Variants in CDK11B observed in about 807,000 individuals in gnomAD.
The protein encoded by CDK11B is cyclin-dependent kinase 11B.
A neutral mutation model predicts 84.0 loss-of-function variants in CDK11B; 37 were observed. The observed-to-expected ratio is 0.44, with a 90% CI of 0.34 to 0.58. The LOEUF (loss-of-function observed/expected upper bound fraction) is 0.58. Ranked by LOEUF, CDK11B falls within the 20% of genes least tolerant of loss-of-function variation. CDK11B has a pLI of 0.02. For missense variants in CDK11B, 427 were observed against 834.0 expected (o/e 0.51, Z 6.01); for synonymous variants, 269 against 309.8 (o/e 0.87, Z 1.38).
rs200286198 is a variant in CDK11B at position 1,637,828 on chromosome 1, C to G, written c.1398G>C (p.Pro466=). 1.2e-6 allele frequency: 2 copies of G among 1,613,314 alleles called. No individual in the cohort carries two copies. The highest frequency in any genetic ancestry group is 2.7e-5 in the African/African-American group (2 of 74,784). Residue 466 remains proline (P), a synonymous_variant, in exon 13 of 20, where the codon CCG becomes CCC. Coordinates refer to ENST00000341832, the MANE Select transcript of CDK11B (RefSeq NM_033486.3). ...TGTTGATCTCCCTCAGCGACGTGAT[C>G]GGGAAGCCCTCCTTCTCCTTCTCCA... ...LKMEKEKEGF[P]ITSLREINTI... is the part of the protein sequence containing the mutation.
chr1:1,636,332 C>T lies in CDK11B; in HGVS notation c.2066+1G>A, dbSNP rs1396232656. On this transcript the variant is annotated splice_donor_variant, in intron 18 of 19. Transcript: ENST00000341832. LOFTEE classifies it high-confidence loss of function. Reference sequence around the variant, plus strand: ...CCGCCACCCGGCTGCACTGGGCTCACTTGTTCATGAGGTCGAAGCCCTGGT... The same window carrying T: ...CCGCCACCCGGCTGCACTGGGCTCATTTGTTCATGAGGTCGAAGCCCTGGT... 1 of 1,567,296 alleles carries T rather than the reference C, an allele frequency of 6.4e-7. No individual in the cohort carries two copies. The highest frequency in any genetic ancestry group is 8.6e-7 in the Non-Finnish European group (1 of 1,156,908).
chr1:1,649,677 C>A lies in CDK11B; in HGVS notation c.356-40G>T, dbSNP rs1641631953. ...AGTGTCATGCAAAGAAACCTCACTT[C>A]AAAAATTTCACATGAAGCCGGGCAC... On this transcript the variant is annotated intron_variant, in intron 4 of 19. Transcript: ENST00000341832. 3.1e-6 allele frequency: 5 copies of A among 1,601,880 alleles called. No individual in the cohort carries two copies. The South Asian group carries it at 5.5e-5, about 18-fold the overall frequency.
rs372411532 is a variant in CDK11B at position 1,637,237 on chromosome 1, T to G, written c.1571-35A>C. Reference sequence around the variant, plus strand: ...AGGGAAGCTCCCATGTGGACCTGGCTGCCCCCAGCCCAGGGCACTCAGGGT... The same window carrying G: ...AGGGAAGCTCCCATGTGGACCTGGCGGCCCCCAGCCCAGGGCACTCAGGGT... On this transcript the variant is annotated intron_variant, in intron 14 of 19. Transcript: ENST00000341832. 1.9e-6 allele frequency: 3 copies of G among 1,609,686 alleles called. No homozygotes were observed. In the South Asian group the frequency reaches 3.3e-5, roughly 18 times the overall value.
intron 1 of CDK11B, among the ~76,000 whole-genome samples, chr1:1,658,121 C>T (rs1643021732): frequency 6.8e-6 from 1 of 146,562 alleles, no homozygotes; most frequent in Non-Finnish European, 1.5e-5. Context: ...TTCCGGTGAG[C>T]CGAGGTCGCG....
chr1:1,636,721 G>C lies in CDK11B; in HGVS notation c.1878C>G (p.Pro626=), dbSNP rs369093717. 3.7e-6 allele frequency: 6 copies of C among 1,613,852 alleles called. No individual in the cohort carries two copies. Among genetic ancestry groups the C allele is most frequent in the African/African-American group, 2.7e-5 (2 of 74,912 alleles). ...GELLTQKPLF[P]GKSEIDQINK... ...TGATCTGATCGATTTCTGACTTCCC[G>C]GGGAACAGAGGCTTCTGAGTCAGCA... is the stretch of plus-strand genomic sequence containing the variant. Residue 626 remains proline (P), a synonymous_variant, in exon 17 of 20, where the codon CCC becomes CCG. Coordinates refer to ENST00000341832, the MANE Select transcript of CDK11B (RefSeq NM_033486.3).
chr1:1,655,218 A>G (rs1310243693), intron 3 of CDK11B, 151 bp downstream of exon 3: 3 of 978,830 alleles, frequency 3.1e-6, no homozygotes, highest in Non-Finnish European at 4.3e-6. Context: ...TGACATAAAA[A>G]CCTCAATAGT....
intron 2 of CDK11B, 137 bp from the exon 3 acceptor site, chr1:1,655,621 T>C (rs1450154406): frequency 7.5e-7 from 1 of 1,327,022 alleles, no homozygotes; most frequent in African/African-American, 1.5e-5. Context: ...GAGCCAGTGT[T>C]ATAAAATATA....
chr1:1,637,253 C>A (rs1415291977), intron 14 of CDK11B, 51 bp from the exon 15 acceptor site: 5 of 1,604,524 alleles, frequency 3.1e-6, no homozygotes, highest in Non-Finnish European at 4.3e-6. Context: ...CAGCCCAGGG[C>A]ACTCAGGGTG....
intron 3 of CDK11B, 55 bp from the exon 4 acceptor site, chr1:1,652,621 C>G: frequency 7.7e-7 from 1 of 1,306,696 alleles, no homozygotes; most frequent in Admixed American, 3.0e-5. Flanking sequence ...AAAGAAGCAT[C>G]AGGCTATTAT....
Position 1,635,844 on chromosome 1 carries a change from GGTC to G in CDK11B, c.2266_2268del (p.Asp756del). 2.9e-6 allele frequency: 1 copy of G among 345,108 alleles called. No individual in the cohort carries two copies. Among genetic ancestry groups the G allele is most frequent in the Non-Finnish European group, 4.8e-6 (1 of 208,618 alleles). 21.4% of individuals were successfully genotyped at this position (345,108 alleles called of 1,614,324 possible). A position where few individuals can be genotyped will look rare whatever the true frequency, so the allele number is the denominator to read the frequency against. Reference sequence around the variant, plus strand: ...GTAAGGTGGAAGCCCGTCTCCTTCAGGTCGTCGTCACCCTGGGACGAGTCGGCT... The same window carrying G: ...GTAAGGTGGAAGCCCGTCTCCTTCAGGTCGTCACCCTGGGACGAGTCGGCT... On this transcript the variant is annotated inframe_deletion, in exon 20 of 20. Coordinates refer to ENST00000341832, the MANE Select transcript of CDK11B (RefSeq NM_033486.3).
intron 2 of CDK11B, among the ~76,000 whole-genome samples, chr1:1,656,497 AC>A (rs1266821729): frequency 1.2e-4 from 18 of 151,942 alleles, no homozygotes; most frequent in Non-Finnish European, 2.4e-4. Context: ...TCAAAAACAA[AC>A]AAAAAAGGCC....
At position 1,652,965 on chromosome 1, in the gene CDK11B, C is replaced by T. The variant is rs1222238959; in HGVS notation, c.228-399G>A. Among the ~76,000 whole-genome samples the T allele has an allele frequency of 9.0e-3, 1,364 of 152,148 alleles. 26 individuals are homozygous for T. Among genetic ancestry groups the T allele is most frequent in the African/African-American group, 0.03 (1,264 of 41,504 alleles). ...GTCTTGGTCTCCTGACCTCATGATC[C>T]GCCCACCTCGGTCTCCCAAAGTGCT... is the stretch of plus-strand genomic sequence containing the variant. On this transcript the variant is annotated intron_variant, in intron 3 of 19. Transcript: ENST00000341832.
At chr1:1,637,599 G>C (rs543914306) in intron 13 of CDK11B, 86 bp from the exon 14 acceptor site, 2 of 1,609,384 alleles carry the variant, frequency 1.2e-6, no homozygotes, top group Non-Finnish European at 1.7e-6. Context: ...GGGACAGTAA[G>C]GACCTCCGGT....
rs534057323 is a variant in CDK11B, at chr1:1,637,048, T to A, written c.1692+33A>T. 4,491 of 1,599,894 alleles carry A rather than the reference T, an allele frequency of 2.8e-3. 60 individuals are homozygous for A. Among genetic ancestry groups the A allele is most frequent in the Non-Finnish European group, 3.4e-3 (3,924 of 1,167,256 alleles). ...GGCTGTGAGTGGGCCCCGGCAGGTC[T>A]CCCTGGGATGGGCCACTCGGAGGGG... On this transcript the variant is annotated intron_variant, in intron 15 of 19. Coordinates refer to ENST00000341832, the MANE Select transcript of CDK11B (RefSeq NM_033486.3).
chr1:1,651,309 T>C (rs1304103431), intron 4 of CDK11B, among the ~76,000 whole-genome samples: 1 of 152,328 alleles, frequency 6.6e-6, no homozygotes, highest in Admixed American at 6.5e-5. Flanking sequence ...AGAGGAAAAA[T>C]GGACTAGCCA....
rs1329817877 is a variant in CDK11B at position 1,649,501 on chromosome 1, T to C, written c.492A>G (p.Glu164=). ...CTCAACTGACCCAGCCGACTCACCT[T>C]TCTCTCCTGGAATGCTCCCTTGCCA... ...REMAREHSRR[E]RDRLEQLERK... Residue 164 remains glutamate, a splice_region_variant and synonymous_variant, in exon 5 of 20, where the codon GAA becomes GAG. Coordinates refer to ENST00000341832, the MANE Select transcript of CDK11B (RefSeq NM_033486.3). The C allele has an allele frequency of 1.3e-6, 2 of 1,582,056 alleles. No individual in the cohort carries two copies. Among genetic ancestry groups the C allele is most frequent in the Non-Finnish European group, 1.7e-6 (2 of 1,151,180 alleles).
At chr1:1,639,728 G>A (rs972589916) in intron 11 of CDK11B, among the ~76,000 whole-genome samples, 2 of 152,012 alleles carry the variant, frequency 1.3e-5, no homozygotes, top group African/African-American at 4.8e-5. Context: ...GGAGGGGGCC[G>A]AGTCCCTGCC....
intron 4 of CDK11B, among the ~76,000 whole-genome samples, chr1:1,650,022 C>T (rs1287719774): frequency 6.7e-6 from 1 of 149,578 alleles, no homozygotes; most frequent in African/African-American, 2.5e-5. Context: ...GCCTGTAATT[C>T]CAGCACTCTG....
intron 3 of CDK11B, among the ~76,000 whole-genome samples, chr1:1,653,825 T>TAC (rs782129056): frequency 0.072 from 8,768 of 121,696 alleles, 390 homozygotes; most frequent in South Asian, 0.18. Context: ...CTACTAAAAA[T>TAC]ACACACACAC....
Sources: gnomAD v4.1 joint callset for allele counts (sites outside exome capture counted in the v4.1 genomes callset) on GRCh38, gnomAD v4.1.1 for gene constraint, MANE v1.5 for transcripts, NCBI Gene and HGNC (gene_info 2026-07-23, HGNC 2026-07-21) for gene names.